The following CPNE7 variants were observed in gnomAD, a reference collection of about 807,000 sequenced individuals.
The protein encoded by CPNE7 is copine-7.
Under a neutral mutation model 66.5 loss-of-function variants are expected in CPNE7, and 78 were observed. The ratio of observed to expected loss-of-function variants is 1.17; its 90% CI spans 0.98 to 1.42. CPNE7 has a LOEUF of 1.42. Among genes scored for constraint, CPNE7 ranks in the 40% most tolerant of loss-of-function variants. The pLI is 0.00. For missense variants in CPNE7, 1,012 were observed against 776.6 expected, an observed-to-expected ratio of 1.30 and a Z score of -3.60; for synonymous variants, 468 against 336.7, an observed-to-expected ratio of 1.39 and a Z score of -4.27.
chr16:89,579,171 A>T (rs1348187115), intron 2 of CPNE7, among the ~76,000 whole-genome samples: 1 of 152,022 alleles, frequency 6.6e-6, no homozygotes, highest in Non-Finnish European at 1.5e-5. Flanking sequence ...GCGTGCCTGT[A>T]GTCCCAGCTA....
chr16:89,579,202 G>A lies in CPNE7; in HGVS notation c.357+1481G>A, dbSNP rs563778385. Among the ~76,000 whole-genome samples the A allele has an allele frequency of 5.3e-5, 8 of 151,804 alleles. No homozygotes were observed. The East Asian group carries it at 1.6e-3, about 29-fold the overall frequency. ...AGCTACTGGGGAGGCTGAGGCAGGA[G>A]AATCACTTGAACCTGGGAGGCAGAG... On this transcript the variant is annotated intron_variant, in intron 2 of 14. Coordinates refer to ENST00000319518, the MANE Select transcript of CPNE7 (RefSeq NM_153636.3).
chr16:89,595,035 C>T (rs979539298), intron 13 of CPNE7, among the ~76,000 whole-genome samples: 4 of 152,062 alleles, frequency 2.6e-5, no homozygotes, highest in Admixed American at 2.0e-4. Context: ...CTCCTGGGAT[C>T]GCAGATTTCT....
At chr16:89,590,914 G>T (rs1261966968) in intron 11 of CPNE7, 93 bp from the exon 12 acceptor site, 1 of 1,353,952 alleles carries the variant, frequency 7.4e-7, no homozygotes, top group African/African-American at 1.5e-5. Flanking sequence ...GGACATGGGG[G>T]CTGGGGACGG....
chr16:89,581,090 C>T, intron 2 of CPNE7, among the ~76,000 whole-genome samples: 1 of 150,992 alleles, frequency 6.6e-6, no homozygotes. Context: ...CGGAACATCC[C>T]ATCACCCGTC....
rs969756587 is a variant in CPNE7, at chr16:89,585,712, G to A, written c.707G>A (p.Arg236Gln). 31 of 1,550,578 alleles carry A rather than the reference G, an allele frequency of 2.0e-5. 1 individual carries two copies. The highest frequency in any genetic ancestry group is 1.7e-4 in the East Asian group (7 of 41,050). ...TGCCTGGTCTGGGATTACGACTCTC[G>A]AGGAAAGCACGACTTCATCGGAGAA... The part of the protein sequence containing the change: ...LKCLVWDYDS[R>Q]GKHDFIGEFS... Residue 236 changes from arginine to glutamine, a missense_variant, in exon 7 of 15, where the codon CGA becomes CAA. Transcript: ENST00000319518.
rs922099854 is a variant in CPNE7, at chr16:89,584,484, G to A, written c.508-290G>A. On this transcript the variant is annotated intron_variant, in intron 4 of 14. Coordinates refer to ENST00000319518, the MANE Select transcript of CPNE7 (RefSeq NM_153636.3). The surrounding 1 kb of genome is among the most constrained non-coding windows in gnomAD (Gnocchi z 6.0). ...AGGGTCCAACCCCGCCATGTAGGGC[G>A]TCTCCCTGGAGGGGCTGAGTCGCAG... Among the ~76,000 whole-genome samples the A allele has an allele frequency of 1.2e-4, 18 of 152,196 alleles. No individual in the cohort carries two copies. Among genetic ancestry groups the A allele is most frequent in the Non-Finnish European group, 1.5e-5 (1 of 68,022 alleles).
At position 89,584,997 on chromosome 16, in the gene CPNE7, G is replaced by T; in HGVS notation, c.591+140G>T. 1.3e-6 allele frequency: 1 copy of T among 764,500 alleles called. No individual in the cohort carries two copies. Among genetic ancestry groups the T allele is most frequent in the Non-Finnish European group, 2.1e-6 (1 of 468,398 alleles). The allele number at this position is 764,500 out of a possible 1,614,324, so 47.4% of individuals were successfully genotyped here. On this transcript the variant is annotated intron_variant, in intron 5 of 14. Transcript: ENST00000319518. This position sits in a 1 kb window ranked among gnomAD's most constrained non-coding sequence, Gnocchi z 6.0. ...GCTTTGGTGGCTGTGGCTATGGCCA[G>T]AATCCAACAGGGAGCCGCAGGCGCA...
At position 89,594,642 on chromosome 16, in the gene CPNE7, CTTTTTTT is replaced by C. The variant is rs57032352; in HGVS notation, c.1303-702_1303-696del. 9.9e-3 allele frequency among the ~76,000 whole-genome samples: 860 copies of C among 86,698 alleles called. 1 individual carries two copies. Among genetic ancestry groups the C allele is most frequent in the Non-Finnish European group, 0.012 (554 of 44,762 alleles). 56.9% of individuals were successfully genotyped at this position (86,698 alleles called of 152,430 possible). A position where few individuals can be genotyped will look rare whatever the true frequency, so the allele number is the denominator to read the frequency against. On this transcript the variant is annotated intron_variant, in intron 13 of 14. Coordinates refer to ENST00000319518, the MANE Select transcript of CPNE7 (RefSeq NM_153636.3). ...GATTTTATTTGAAGTTCCATTCTGC[CTTTTTTT>C]TTTTTTTTTTTTTTTTTTTTTTGGA... is the stretch of plus-strand genomic sequence containing the variant.
intron 10 of CPNE7, among the ~76,000 whole-genome samples, chr16:89,589,605 CCCT>C (rs2059138722): frequency 6.6e-6 from 1 of 152,130 alleles, no homozygotes; most frequent in Non-Finnish European, 1.5e-5. Context: ...CCCACAGGAC[CCCT>C]CCCGTGGTCT....
rs770889768 is a variant in CPNE7, at chr16:89,585,457, C to T, written c.592-7C>T. 1.9e-6 allele frequency: 3 copies of T among 1,607,988 alleles called. No homozygotes were observed. The highest frequency in any genetic ancestry group is 1.1e-5 in the South Asian group (1 of 90,374). Reference sequence around the variant, plus strand: ...CCTCCCCTGAGCCAGCCCCTCCCGGCCCACAGGTGGTGAAGAACAACCTGA... The same window carrying T: ...CCTCCCCTGAGCCAGCCCCTCCCGGTCCACAGGTGGTGAAGAACAACCTGA... On this transcript the variant is annotated splice_polypyrimidine_tract_variant and splice_region_variant and intron_variant, in intron 5 of 14. Transcript: ENST00000319518.
chr16:89,586,000 AG>A (rs1271768911), intron 7 of CPNE7, among the ~76,000 whole-genome samples: 1 of 74,836 alleles, frequency 1.3e-5, no homozygotes, highest in East Asian at 5.0e-4. Flanking sequence ...GGTTCAGGTG[AG>A]GGGGGCCTCC....
At chr16:89,595,664 C>T in intron 14 of CPNE7, 61 bp downstream of exon 14, 2 of 1,413,680 alleles carry the variant, frequency 1.4e-6, no homozygotes, top group South Asian at 2.5e-5. Flanking sequence ...ATGTCACTGC[C>T]CAAGACCTTC....
chr16:89,583,367 T>G, intron 2 of CPNE7: 1 of 1,379,186 alleles, frequency 7.3e-7, no homozygotes, highest in Non-Finnish European at 1.0e-6. Context: ...CCGCCACACC[T>G]GTGCAGGTGC....
chr16:89,586,547 C>T (rs2059041992), intron 7 of CPNE7, 123 bp from the exon 8 acceptor site: 1 of 731,034 alleles, frequency 1.4e-6, no homozygotes, highest in East Asian at 2.6e-5. Context: ...CAGCAGTGCC[C>T]TCCCCTCCCC....
intron 10 of CPNE7, among the ~76,000 whole-genome samples, chr16:89,589,164 T>G (rs565231026): frequency 2.6e-5 from 4 of 152,312 alleles, no homozygotes; most frequent in Non-Finnish European, 5.9e-5. Context: ...TGGTGGCAGA[T>G]GCCTGTAATC....
intron 2 of CPNE7, among the ~76,000 whole-genome samples, chr16:89,579,240 C>T (rs540645140): frequency 1.3e-4 from 19 of 151,496 alleles, no homozygotes; most frequent in East Asian, 1.9e-4. Flanking sequence ...TTCAGCGAGC[C>T]GAGATCGCGC....
intron 2 of CPNE7, 60 bp downstream of exon 2, chr16:89,577,781 C>G (rs1025858402): frequency 2.6e-6 from 4 of 1,513,570 alleles, no homozygotes; most frequent in Admixed American, 2.0e-5. Context: ...ACAGCCGATT[C>G]AAGGCTGATG....
Position 89,596,709 on chromosome 16 carries a change from C to A in CPNE7, c.*88C>A. 7.3e-7 allele frequency: 1 copy of A among 1,377,700 alleles called. No individual in the cohort carries two copies. The highest frequency in any genetic ancestry group is 9.5e-7 in the Non-Finnish European group (1 of 1,057,998). 85.3% of individuals were successfully genotyped at this position (1,377,700 alleles called of 1,614,324 possible). On this transcript the variant is annotated 3_prime_UTR_variant, in exon 15 of 15. Coordinates refer to ENST00000319518, the MANE Select transcript of CPNE7 (RefSeq NM_153636.3). ...ATGCTTGGGGTCCCTTAAGCTCCCT[C>A]CGACCTCCCAGAAGCCTCCAGTCCC... is the stretch of plus-strand genomic sequence containing the variant.
chr16:89,587,744 G>GCCCCCGTGTCACCCACAGAAACACGGC, intron 9 of CPNE7: 1 of 90,628 alleles, frequency 1.1e-5, no homozygotes, highest in South Asian at 8.2e-5. Flanking sequence ...CAGATACACG[G>GCCCCCGTGTCACCCACAGAAACACGGC]CCCCCGTGTC....
Sources: allele counts gnomAD v4.1 joint callset (sites outside exome capture counted in the v4.1 genomes callset), GRCh38; gene constraint gnomAD v4.1.1; non-coding constraint Gnocchi (gnomAD v3.1); transcripts MANE v1.5; gene names NCBI Gene and HGNC (gene_info 2026-07-23, HGNC 2026-07-21).